Variants in ANKHD1 observed in about 807,000 individuals in gnomAD.
The protein encoded by ANKHD1 is ankyrin repeat and KH domain containing 1, also known as ankyrin repeat and KH domain-containing protein 1.
A neutral mutation model predicts 230.5 loss-of-function variants in ANKHD1; 31 were observed. The ratio of observed to expected loss-of-function variants is 0.13; its 90% CI spans 0.10 to 0.18. The LOEUF (loss-of-function observed/expected upper bound fraction) is 0.18, where lower values mean the gene tolerates loss of function less well. Ranked by LOEUF, ANKHD1 falls within the 10% of genes least tolerant of loss-of-function variation. The pLI is 1.00. For synonymous variants in ANKHD1, 1,074 were observed against 1,117.6 expected, an observed-to-expected ratio of 0.96 and a Z score of 0.78; for missense variants, 2,256 against 3,071.3, an observed-to-expected ratio of 0.73 and a Z score of 6.27.
intron 14 of ANKHD1, among the ~76,000 whole-genome samples, chr5:140,491,960 TAAA>T (rs1751828590): frequency 3.3e-5 from 5 of 152,162 alleles, no homozygotes; most frequent in Admixed American, 3.3e-4. Flanking sequence ...AGAGATGTTT[TAAA>T]AAAGTAATCA....
At chr5:140,486,837 A>G (rs1751524728) in intron 13 of ANKHD1, 121 bp from the exon 14 acceptor site, 1 of 994,284 alleles carries the variant, frequency 1.0e-6, no homozygotes, top group Non-Finnish European at 1.4e-6. Context: ...AAAAAGCTTC[A>G]GGAAACAAAA....
At chr5:140,524,016 T>G (rs1326705935) in intron 24 of ANKHD1, 50 bp from the exon 25 acceptor site, 6 of 1,519,580 alleles carry the variant, frequency 3.9e-6, no homozygotes, top group Non-Finnish European at 5.2e-6. Context: ...TCATTCTTTA[T>G]TTTACATTAC....
At chr5:140,525,895 T>G in intron 25 of ANKHD1, 101 bp from the exon 26 acceptor site, 14 of 1,365,118 alleles carry the variant, frequency 1.0e-5, no homozygotes, top group Non-Finnish European at 1.4e-5. Flanking sequence ...GAAAATATGA[T>G]GTAAAACACT....
At chr5:140,538,602 C>T (rs1334209971) in intron 32 of ANKHD1, among the ~76,000 whole-genome samples, 1 of 152,144 alleles carries the variant, frequency 6.6e-6, no homozygotes, top group Non-Finnish European at 1.5e-5. Flanking sequence ...TGTAGAGTTC[C>T]CATTTTCTTC....
chr5:140,533,850 A>T (rs1035247490), intron 29 of ANKHD1, among the ~76,000 whole-genome samples: 1 of 151,390 alleles, frequency 6.6e-6, no homozygotes, highest in African/African-American at 2.4e-5. Context: ...GAAAGAAATG[A>T]TTCATTTCCT....
intron 7 of ANKHD1, among the ~76,000 whole-genome samples, chr5:140,455,295 G>A (rs183493792): frequency 1.3e-3 from 192 of 152,266 alleles, no homozygotes; most frequent in African/African-American, 4.5e-3. Context: ...ACAAGGAGGA[G>A]TTGGTACCAT....
chr5:140,411,640 C>T (rs1770934273), intron 1 of ANKHD1, among the ~76,000 whole-genome samples: 1 of 151,568 alleles, frequency 6.6e-6, no homozygotes, highest in East Asian at 1.9e-4. Context: ...CTGCCTCAGC[C>T]TCCTGAGTAG....
chr5:140,427,574 C>T lies in ANKHD1; in HGVS notation c.307-8530C>T, dbSNP rs1481114204. 2.4e-3 allele frequency among the ~76,000 whole-genome samples: 350 copies of T among 143,250 alleles called. 2 individuals carry two copies. The highest frequency in any genetic ancestry group is 8.4e-3 in the African/African-American group (324 of 38,448). 94.0% of individuals were successfully genotyped at this position (143,250 alleles called of 152,430 possible). A position where few individuals can be genotyped will look rare whatever the true frequency, so the allele number is the denominator to read the frequency against. The stretch of plus-strand genomic sequence containing the variant: ...CTGACCCCCCCACCTCCCTTGCGGA[C>T]GGGGCGGCTGGCCGGGCGGGGGGCT... On this transcript the variant is annotated intron_variant, in intron 1 of 33. Transcript: ENST00000360839.
chr5:140,403,085 T>A (rs1168218074), intron 1 of ANKHD1, among the ~76,000 whole-genome samples: 2 of 144,674 alleles, frequency 1.4e-5, no homozygotes, highest in East Asian at 4.6e-4. Flanking sequence ...TTCTCCTGCC[T>A]CAGCCTCCCG....
At chr5:140,412,199 G>T (rs566941540) in intron 1 of ANKHD1, among the ~76,000 whole-genome samples, 15 of 151,802 alleles carry the variant, frequency 9.9e-5, no homozygotes, top group African/African-American at 3.6e-4. Flanking sequence ...ACCATGCCCC[G>T]CTAATTTGTT....
chr5:140,436,171 T>C lies in ANKHD1; in HGVS notation c.374T>C (p.Phe125Ser), dbSNP rs1233618346. 1.2e-6 allele frequency: 2 copies of C among 1,610,262 alleles called. No individual in the cohort carries two copies. The highest frequency in any genetic ancestry group is 2.7e-5 in the African/African-American group (2 of 74,704). Reference protein sequence around the residue: ...NPVLKTTSEIFLSSTAEGADL... With the variant: ...NPVLKTTSEISLSSTAEGADL... Reference sequence around the variant, plus strand: ...GTGCTTAAAACAACATCAGAGATATTCTTATCAAGTACTGCAGAAGGAGCA... The same window carrying C: ...GTGCTTAAAACAACATCAGAGATATCCTTATCAAGTACTGCAGAAGGAGCA... The change falls in exon 2 of 34, where the codon TTC (phenylalanine) becomes TCC (serine). Residue 125 changes from phenylalanine to serine, a missense_variant. Phe to Ser is a radical substitution (Grantham distance 155). Around this residue, in one of 13 missense-constraint regions of ANKHD1, gnomAD observed 193 missense variants for 185.8 expected, o/e 1.04. Transcript: ENST00000360839.
intron 5 of ANKHD1, among the ~76,000 whole-genome samples, chr5:140,442,005 T>C (rs1041149935): frequency 6.6e-6 from 1 of 151,686 alleles, no homozygotes; most frequent in Non-Finnish European, 1.5e-5. Flanking sequence ...ATGTTGAGTT[T>C]GCTGAATACA....
chr5:140,507,718 T>C lies in ANKHD1; in HGVS notation c.3552-67T>C. 1.9e-6 allele frequency: 3 copies of C among 1,564,226 alleles called. No homozygotes were observed. Among genetic ancestry groups the C allele is most frequent in the Non-Finnish European group, 2.6e-6 (3 of 1,151,180 alleles). The stretch of plus-strand genomic sequence containing the variant: ...CTCTTTTTAGTGAAACCTTTTCATC[T>C]TTAATGCTTTTCTAAAATAATAGGC... On this transcript the variant is annotated intron_variant, in intron 19 of 33. Coordinates refer to ENST00000360839, the MANE Select transcript of ANKHD1 (RefSeq NM_017747.3). The surrounding 1 kb of genome is among the most constrained non-coding windows in gnomAD (Gnocchi z 4.1).
intron 10 of ANKHD1, chr5:140,472,194 C>T (rs750397890): frequency 5.7e-6 from 9 of 1,580,892 alleles, no homozygotes; most frequent in East Asian, 2.2e-5. Context: ...ATGTGATTTT[C>T]GTTTTTGGAA....
rs142845395 is a variant in ANKHD1, at chr5:140,437,683, G to T, written c.461-778G>T. On this transcript the variant is annotated intron_variant, in intron 2 of 33. Coordinates refer to ENST00000360839, the MANE Select transcript of ANKHD1 (RefSeq NM_017747.3). The stretch of plus-strand genomic sequence containing the variant: ...ATTGTGCCACTGCACTTCAGTCTGG[G>T]TGACAGAGCAAGACTCCGTCTCAAA... Among the ~76,000 whole-genome samples, 572 of 152,334 alleles carry T rather than the reference G, an allele frequency of 3.8e-3. 7 individuals are homozygous for T. The highest frequency in any genetic ancestry group is 0.013 in the African/African-American group (558 of 41,566).
intron 29 of ANKHD1, among the ~76,000 whole-genome samples, chr5:140,534,484 G>A (rs1409665628): frequency 6.6e-6 from 1 of 152,198 alleles, no homozygotes; most frequent in East Asian, 1.9e-4. Flanking sequence ...AGACAAAAAT[G>A]TTCTAACATT....
chr5:140,402,559 C>G (rs1770042351), intron 1 of ANKHD1, among the ~76,000 whole-genome samples: 2 of 152,202 alleles, frequency 1.3e-5, no homozygotes, highest in Admixed American at 1.3e-4. Context: ...CCCGCCCACC[C>G]TGCTTTGGAG....
chr5:140,428,628 AAG>A (rs1399693355), intron 1 of ANKHD1, among the ~76,000 whole-genome samples: 3 of 152,192 alleles, frequency 2.0e-5, no homozygotes, highest in African/African-American at 7.2e-5. Context: ...AGACCGTGGA[AAG>A]AGAGGGAGAG....
intron 9 of ANKHD1, among the ~76,000 whole-genome samples, chr5:140,462,457 C>T (rs1056074151): frequency 1.3e-5 from 2 of 152,056 alleles, no homozygotes; most frequent in East Asian, 1.9e-4. Flanking sequence ...AAAGGCCAGG[C>T]GTGGTGGCTG....
Sources: allele counts gnomAD v4.1 joint callset (sites outside exome capture counted in the v4.1 genomes callset), GRCh38; gene constraint gnomAD v4.1.1; regional missense constraint gnomAD v4.1.1; non-coding constraint Gnocchi (gnomAD v3.1); transcripts MANE v1.5; gene names NCBI Gene and HGNC (gene_info 2026-07-23, HGNC 2026-07-21).